The following ROBO2 variants were observed in gnomAD, a reference collection of about 807,000 sequenced individuals.
ROBO2 encodes roundabout homolog 2.
In ROBO2, 53 loss-of-function variants were observed where a neutral mutation model predicts 160.8. The ratio of observed to expected loss-of-function variants is 0.33; its 90% CI spans 0.26 to 0.41. The LOEUF (loss-of-function observed/expected upper bound fraction) is 0.41, where lower values mean the gene tolerates loss of function less well. Among genes scored for constraint, ROBO2 ranks in the 10% least tolerant of loss-of-function variants. The pLI is 1.00. For missense variants in ROBO2, 1,577 were observed against 1,722.4 expected, an observed-to-expected ratio of 0.92 and a Z score of 1.49; for synonymous variants, 664 against 611.7, an observed-to-expected ratio of 1.09 and a Z score of -1.26.
chr3:77,099,377 A>G (rs914734792), intron 2 of ROBO2, among the ~76,000 whole-genome samples: 1 of 152,104 alleles, frequency 6.6e-6, no homozygotes, highest in Non-Finnish European at 1.5e-5. Flanking sequence ...CTTCTGATTT[A>G]CAGTTTGTGC....
chr3:77,264,599 T>C (rs6548495), intron 2 of ROBO2, among the ~76,000 whole-genome samples: 75,588 of 151,970 alleles, frequency 0.5, 20,019 homozygotes, highest in Middle Eastern at 0.7. Flanking sequence ...CTTTAGTTTG[T>C]CAACTGGATC....
At position 76,784,290 on chromosome 3, in the gene ROBO2, G is replaced by C. The variant is rs371413548; in HGVS notation, c.110-313724G>C. ...AGACTTTCAACAGTCAACCTGACTA[G>C]AGGGATTCTGGAGGGCTTGTAGATC... On this transcript the variant is annotated intron_variant, in intron 2 of 26. Coordinates refer to the ROBO2 transcript ENST00000487694. 3.0e-4 allele frequency among the ~76,000 whole-genome samples: 45 copies of C among 151,252 alleles called. 1 individual carries two copies. In the South Asian group the frequency reaches 9.3e-3, roughly 31 times the overall value.
intron 2 of ROBO2, among the ~76,000 whole-genome samples, chr3:76,985,102 TTTCTC>T (rs1333367460): frequency 1.3e-5 from 2 of 152,158 alleles, no homozygotes; most frequent in African/African-American, 4.8e-5. Context: ...TCTCATTTCT[TTTCTC>T]TTTAAGGTTT....
chr3:76,051,665 G>T lies in ROBO2; in HGVS notation c.109+114063G>T, dbSNP rs953434881. On this transcript the variant is annotated intron_variant, in intron 2 of 26. Transcript: ENST00000487694. ...TGCTACCACTCTACTTGACAGCAAA[G>T]AAAATAAAATAAAAACAATAAATGT... 2.6e-5 allele frequency among the ~76,000 whole-genome samples: 4 copies of T among 151,916 alleles called. No homozygotes were observed. In the East Asian group the frequency reaches 5.8e-4, roughly 22 times the overall value.
Position 76,614,867 on chromosome 3 carries a change from C to T in ROBO2, c.110-483147C>T, listed in dbSNP as rs375337791. ...GGTGCATAAATAATTTGAAACAAATCGGGGTGACATAGGAACTATCATACT... is the reference window on the plus strand; with the variant it reads ...GGTGCATAAATAATTTGAAACAAATTGGGGTGACATAGGAACTATCATACT... On this transcript the variant is annotated intron_variant, in intron 2 of 26. Coordinates refer to the ROBO2 transcript ENST00000487694. Among the ~76,000 whole-genome samples the T allele has an allele frequency of 1.4e-3, 216 of 152,020 alleles. 1 individual carries two copies. In the South Asian group the frequency reaches 0.025, roughly 18 times the overall value.
chr3:76,588,134 C>G (rs2108795990), intron 2 of ROBO2, among the ~76,000 whole-genome samples: 1 of 152,240 alleles, frequency 6.6e-6, no homozygotes, highest in Admixed American at 6.5e-5. Context: ...AAACCCATAT[C>G]CAGATTACAT....
chr3:77,341,596 T>A (rs1330273878), intron 2 of ROBO2, among the ~76,000 whole-genome samples: 7 of 152,076 alleles, frequency 4.6e-5, no homozygotes, highest in Non-Finnish European at 1.0e-4. Flanking sequence ...AAAAGAAATA[T>A]CCTCAAACTT....
chr3:76,413,957 T>C (rs1161056778), intron 2 of ROBO2, among the ~76,000 whole-genome samples: 1 of 152,112 alleles, frequency 6.6e-6, no homozygotes, highest in Non-Finnish European at 1.5e-5. Flanking sequence ...TAATTAGACT[T>C]ACAGTTCCAC....
intron 2 of ROBO2, among the ~76,000 whole-genome samples, chr3:76,366,427 A>G (rs1363136308): frequency 6.6e-6 from 1 of 152,046 alleles, no homozygotes; most frequent in East Asian, 1.9e-4. Flanking sequence ...CATATTAGGC[A>G]TTTAACAAGT....
exon 11 of ROBO2, chr3:77,563,176 C>T (rs1022863562): frequency 6.2e-7 from 1 of 1,613,184 alleles, no homozygotes; most frequent in Non-Finnish European, 8.5e-7. Flanking sequence ...GAGTCTGGAG[C>T]AACAATCAGT....
In ROBO2 at chr3:77,563,336, G is replaced by A; in HGVS notation, c.1682+7G>A. ...ATATCATTGAGGCTTTCAGGTATGG[G>A]ACAATTCCTTCTTTCTCCACTGGGT... On this transcript the variant is annotated splice_region_variant and intron_variant, in intron 11 of 25. Transcript: ENST00000461745. The A allele has an allele frequency of 6.2e-7, 1 of 1,613,166 alleles. No individual in the cohort carries two copies. The highest frequency in any genetic ancestry group is 8.5e-7 in the Non-Finnish European group (1 of 1,179,382).
At chr3:76,510,009 C>G (rs917855553) in intron 2 of ROBO2, among the ~76,000 whole-genome samples, 2 of 152,060 alleles carry the variant, frequency 1.3e-5, no homozygotes, top group Non-Finnish European at 2.9e-5. Flanking sequence ...TGCAATACGT[C>G]TTTTCTGCAC....
At chr3:77,211,755 A>G (rs1344272062) in intron 2 of ROBO2, among the ~76,000 whole-genome samples, 1 of 152,116 alleles carries the variant, frequency 6.6e-6, no homozygotes, top group East Asian at 1.9e-4. Flanking sequence ...TTTTGTATAA[A>G]GTGTAAGGAA....
chr3:76,155,767 T>C (rs1033774936), intron 2 of ROBO2, among the ~76,000 whole-genome samples: 4 of 152,214 alleles, frequency 2.6e-5, no homozygotes, highest in Non-Finnish European at 5.9e-5. Flanking sequence ...AACCGCATTT[T>C]ATAAATATTC....
chr3:76,328,015 G>A (rs988131915), intron 2 of ROBO2, among the ~76,000 whole-genome samples: 2 of 151,424 alleles, frequency 1.3e-5, no homozygotes, highest in Non-Finnish European at 2.9e-5. Context: ...TGTTTCAAAG[G>A]GGAAAAAAAA....
chr3:76,952,321 T>A (rs1488596445), intron 2 of ROBO2, among the ~76,000 whole-genome samples: 3 of 152,200 alleles, frequency 2.0e-5, no homozygotes, highest in Non-Finnish European at 2.9e-5. Context: ...TTGCTCTTTT[T>A]GCCCAGGCTG....
intron 2 of ROBO2, among the ~76,000 whole-genome samples, chr3:76,522,794 C>G (rs1002245303): frequency 6.6e-6 from 1 of 151,830 alleles, no homozygotes; most frequent in African/African-American, 2.4e-5. Context: ...CTCTCTTGCC[C>G]TAAATCTCTG....
intron 2 of ROBO2, among the ~76,000 whole-genome samples, chr3:76,997,447 G>T (rs753627884): frequency 6.6e-6 from 1 of 152,134 alleles, no homozygotes; most frequent in Non-Finnish European, 1.5e-5. Context: ...TTTTATCAAT[G>T]ACTCTGCTCA....
At chr3:77,286,063 A>G (rs1342827928) in intron 2 of ROBO2, among the ~76,000 whole-genome samples, 2 of 152,106 alleles carry the variant, frequency 1.3e-5, no homozygotes, top group Non-Finnish European at 2.9e-5. Context: ...GCAAACTTTC[A>G]TTATATCTGT....
Sources: gnomAD v4.1 joint callset for allele counts (sites outside exome capture counted in the v4.1 genomes callset) on GRCh38, gnomAD v4.1.1 for gene constraint, MANE v1.5 for transcripts, NCBI Gene and HGNC (gene_info 2026-07-23, HGNC 2026-07-21) for gene names.